MAGI2: variants seen among roughly 807,000 people sequenced by gnomAD.
MAGI2 encodes membrane associated guanylate kinase, WW and PDZ domain containing 2.
Under a neutral mutation model 133.3 loss-of-function variants are expected in MAGI2, and 35 were observed. The observed-to-expected ratio is 0.26, with a 90% CI of 0.20 to 0.35. The LOEUF is 0.35. Among genes scored for constraint, MAGI2 ranks in the 10% least tolerant of loss-of-function variants. MAGI2 has a pLI of 1.00. For missense variants in MAGI2, 1,636 were observed against 1,863.4 expected (o/e 0.88, Z 2.25); for synonymous variants, 729 against 710.6 (o/e 1.03, Z -0.41).
Position 78,521,493 on chromosome 7 carries a change from G to C in MAGI2, c.691C>G (p.Pro231Ala). ...VSNMEKASIEPPEEEEEERPV... is the reference protein window; with the variant it reads ...VSNMEKASIEAPEEEEEERPV... ...CTCTCTTCCTCTTCCTCCTCAGGAG[G>C]CTCTATACTGGCTTTCTCCATGTTG... The change falls in exon 4 of 22, where the codon CCT becomes GCT. Residue 231 changes from proline to alanine, a missense_variant. Pro to Ala is a conservative substitution (Grantham distance 27). This residue lies in a region of MAGI2 where 165 missense variants were observed against 128.4 expected (regional missense o/e 1.28). Coordinates refer to ENST00000354212, the MANE Select transcript of MAGI2 (RefSeq NM_012301.4). 1 of 1,614,010 alleles carries C rather than the reference G, an allele frequency of 6.2e-7. No individual in the cohort carries two copies. The highest frequency in any genetic ancestry group is 8.5e-7 in the Non-Finnish European group (1 of 1,180,000).
At chr7:78,969,292 C>T (rs1299455332) in intron 2 of MAGI2, among the ~76,000 whole-genome samples, 1 of 152,060 alleles carries the variant, frequency 6.6e-6, no homozygotes, top group Non-Finnish European at 1.5e-5. Context: ...GTAAATCAAT[C>T]ACCGCCTCTT....
At chr7:79,360,434 AG>A (rs1339758961) in intron 1 of MAGI2, among the ~76,000 whole-genome samples, 4 of 150,768 alleles carry the variant, frequency 2.7e-5, no homozygotes, top group African/African-American at 7.4e-5. Flanking sequence ...AACATCAAAA[AG>A]GAAGAAGGAA....
At chr7:79,309,815 AG>A (rs1270716688) in intron 1 of MAGI2, among the ~76,000 whole-genome samples, 1 of 151,884 alleles carries the variant, frequency 6.6e-6, no homozygotes, top group East Asian at 1.9e-4. Context: ...AAATGCAATC[AG>A]GGAAGACTAT....
chr7:79,128,076 T>G (rs1820591888), intron 1 of MAGI2, among the ~76,000 whole-genome samples: 1 of 152,194 alleles, frequency 6.6e-6, no homozygotes, highest in African/African-American at 2.4e-5. Flanking sequence ...CCGTTGCTTG[T>G]TTTTGTCAGG....
At chr7:79,371,772 T>G (rs977833332) in intron 1 of MAGI2, among the ~76,000 whole-genome samples, 6 of 152,130 alleles carry the variant, frequency 3.9e-5, no homozygotes, top group Admixed American at 2.0e-4. Context: ...TTTGAGTGCT[T>G]ATAGACAGTT....
intron 1 of MAGI2, among the ~76,000 whole-genome samples, chr7:79,326,659 C>A (rs1426333364): frequency 6.6e-5 from 1 of 15,188 alleles, no homozygotes; most frequent in Non-Finnish European, 1.2e-4. Context: ...GTCAGTGATA[C>A]ATTTTTTTTT....
intron 6 of MAGI2, among the ~76,000 whole-genome samples, chr7:78,442,766 G>A (rs560049140): frequency 1.3e-5 from 2 of 152,184 alleles, no homozygotes; most frequent in African/African-American, 4.8e-5. Context: ...CCAAATGGGG[G>A]CTATTTAGCA....
chr7:78,136,156 C>T (rs898799093), intron 16 of MAGI2, among the ~76,000 whole-genome samples: 5 of 151,554 alleles, frequency 3.3e-5, no homozygotes, highest in African/African-American at 1.2e-4. Context: ...CACTCTGTCG[C>T]CCAGGCTGGA....
At chr7:78,310,021 T>C (rs984238108) in intron 9 of MAGI2, among the ~76,000 whole-genome samples, 2 of 152,228 alleles carry the variant, frequency 1.3e-5, no homozygotes, top group Admixed American at 6.5e-5. Context: ...GCAGCATTTG[T>C]ATAATCCTTC....
In MAGI2 at chr7:79,444,985, G is replaced by A. The variant is rs377047040; in HGVS notation, c.301+8035C>T. Reference sequence around the variant, plus strand: ...AACAGAGATATAGACCAATGGAACAGAACAGAGCCCTCAGAAATAATGCCG... The same window carrying A: ...AACAGAGATATAGACCAATGGAACAAAACAGAGCCCTCAGAAATAATGCCG... On this transcript the variant is annotated intron_variant, in intron 1 of 21. Transcript: ENST00000354212. 9.6e-4 allele frequency among the ~76,000 whole-genome samples: 146 copies of A among 152,236 alleles called. 1 individual carries two copies. The South Asian group carries it at 0.019, about 20-fold the overall frequency.
chr7:78,243,211 C>G (rs910685675), intron 10 of MAGI2, among the ~76,000 whole-genome samples: 1 of 150,206 alleles, frequency 6.7e-6, no homozygotes, highest in Non-Finnish European at 1.5e-5. Context: ...AACCTACCCT[C>G]AAATGGTTCA....
intron 1 of MAGI2, among the ~76,000 whole-genome samples, chr7:79,432,469 A>G (rs1042310663): frequency 8.5e-5 from 13 of 152,200 alleles, no homozygotes; most frequent in Non-Finnish European, 1.8e-4. Flanking sequence ...ATTTATGCCT[A>G]CTTCTTGGCA....
At chr7:78,282,823 C>T (rs1288371928) in intron 9 of MAGI2, among the ~76,000 whole-genome samples, 1 of 151,894 alleles carries the variant, frequency 6.6e-6, no homozygotes, top group African/African-American at 2.4e-5. Flanking sequence ...GGGAGGGTCA[C>T]AATATTTGTT....
intron 4 of MAGI2, among the ~76,000 whole-genome samples, chr7:78,508,312 G>A (rs942688657): frequency 1.3e-5 from 2 of 152,130 alleles, no homozygotes; most frequent in African/African-American, 4.8e-5. Context: ...TGGTGTACTG[G>A]ATCAGTTCAC....
At chr7:78,041,345 G>A (rs1377632223) in intron 21 of MAGI2, among the ~76,000 whole-genome samples, 2 of 152,148 alleles carry the variant, frequency 1.3e-5, no homozygotes, top group Non-Finnish European at 2.9e-5. Flanking sequence ...GCAACCTCTA[G>A]TCAGCTTGCT....
intron 20 of MAGI2, among the ~76,000 whole-genome samples, chr7:78,089,705 C>T (rs1816995215): frequency 6.6e-6 from 1 of 152,128 alleles, no homozygotes; most frequent in Non-Finnish European, 1.5e-5. Flanking sequence ...TTTCCAAGTC[C>T]CGTCAGTTCT....
At chr7:79,026,029 C>G (rs1467435498) in intron 1 of MAGI2, among the ~76,000 whole-genome samples, 1 of 152,184 alleles carries the variant, frequency 6.6e-6, no homozygotes, top group Non-Finnish European at 1.5e-5. Flanking sequence ...ACCAGGCATA[C>G]TGCTCTAGAT....
chr7:78,558,681 A>G (rs1800072504), intron 3 of MAGI2, among the ~76,000 whole-genome samples: 1 of 152,126 alleles, frequency 6.6e-6, no homozygotes. Flanking sequence ...ATAATCACCT[A>G]AGAGGTCATA....
chr7:78,447,786 A>G (rs1788309342), intron 6 of MAGI2, among the ~76,000 whole-genome samples: 1 of 151,930 alleles, frequency 6.6e-6, no homozygotes, highest in South Asian at 2.1e-4. Context: ...GCCTGGGGAA[A>G]TCCTTCAAAA....
Sources: allele counts gnomAD v4.1 joint callset (sites outside exome capture counted in the v4.1 genomes callset), GRCh38; gene constraint gnomAD v4.1.1; regional missense constraint gnomAD v4.1.1; transcripts MANE v1.5; gene names NCBI Gene and HGNC (gene_info 2026-07-23, HGNC 2026-07-21).